Variants in G3BP1 observed in about 807,000 individuals in gnomAD.
The protein encoded by G3BP1 is ras GTPase-activating protein-binding protein 1.
Under a neutral mutation model 58.6 loss-of-function variants are expected in G3BP1, and 35 were observed. The observed-to-expected ratio is 0.60, with a 90% confidence interval of 0.46 to 0.79. G3BP1 has a LOEUF of 0.79. G3BP1 is among the 30% of genes least tolerant of loss of function. The probability of loss-of-function intolerance (pLI) is 0.00; values close to 1 mark genes in which losing one functional copy is unlikely to be tolerated. For synonymous variants in G3BP1, 191 were observed against 195.4 expected, an observed-to-expected ratio of 0.98 and a Z score of 0.19; for missense variants, 523 against 580.8, an observed-to-expected ratio of 0.90 and a Z score of 1.02.
rs996363436 is a variant in G3BP1 at position 151,809,876 on chromosome 5, C to A, written c.*5785C>A. On this transcript the variant is annotated 3_prime_UTR_variant, in exon 12 of 12. Transcript: ENST00000356245. ...AACTGTCTTTAATGGCCCAGCTCTA[C>A]CAGGGCTTGTTGTCTAAGGACATTA... The A allele has an allele frequency of 1.3e-5, 2 of 152,214 alleles. No individual in the cohort carries two copies. The highest frequency in any genetic ancestry group is 2.4e-5 in the African/African-American group (1 of 41,450). The allele number at this position is 152,214 out of a possible 1,614,324, so 9.4% of individuals were successfully genotyped here. A position where few individuals can be genotyped will look rare whatever the true frequency, so the allele number is the denominator to read the frequency against.
chr5:151,809,262 T>G lies in G3BP1; in HGVS notation c.*5171T>G, dbSNP rs1167086490. 2 of 152,312 alleles carry G rather than the reference T, an allele frequency of 1.3e-5. No individual in the cohort carries two copies. Among genetic ancestry groups the G allele is most frequent in the African/African-American group, 2.4e-5 (1 of 41,570 alleles). The allele number at this position is 152,312 out of a possible 1,614,324, so 9.4% of individuals were successfully genotyped here. A position where few individuals can be genotyped will look rare whatever the true frequency, so the allele number is the denominator to read the frequency against. ...TGATGTCAGTTGTTCTCCTAAATTT[T>G]AAAATTTTGTTATGAAGATTGGATG... On this transcript the variant is annotated 3_prime_UTR_variant, in exon 12 of 12. Transcript: ENST00000356245.
intron 7 of G3BP1, 51 bp downstream of exon 7, chr5:151,797,479 A>G (rs1284948419): frequency 6.5e-7 from 1 of 1,543,906 alleles, no homozygotes; most frequent in Admixed American, 2.0e-5. Context: ...TTTTTTTAAA[A>G]AAAGTTTCTG....
intron 11 of G3BP1, 64 bp downstream of exon 11, chr5:151,800,933 T>C (rs931210080): frequency 1.3e-6 from 1 of 788,830 alleles, no homozygotes; most frequent in Admixed American, 2.1e-5. Context: ...TTCTTTAGAA[T>C]ATATCTTTAC....
intron 2 of G3BP1, among the ~76,000 whole-genome samples, chr5:151,789,667 A>C (rs2113232530): frequency 6.6e-6 from 1 of 152,372 alleles, no homozygotes; most frequent in Non-Finnish European, 1.5e-5. Flanking sequence ...TCTATGAAGA[A>C]GATAGCTGTT....
chr5:151,776,767 A>C (rs1292943085), intron 1 of G3BP1, among the ~76,000 whole-genome samples: 1 of 151,818 alleles, frequency 6.6e-6, no homozygotes, highest in Non-Finnish European at 1.5e-5. Flanking sequence ...ATTTTTATAA[A>C]ATATCGTCCA....
chr5:151,779,580 T>C (rs1242102720), intron 1 of G3BP1, among the ~76,000 whole-genome samples: 1 of 151,846 alleles, frequency 6.6e-6, no homozygotes, highest in Non-Finnish European at 1.5e-5. Context: ...TAAAAACACT[T>C]TTAAATATAT....
In G3BP1 at chr5:151,786,552, C is replaced by A; in HGVS notation, c.-49-20C>A. ...TTCAGCTAAATGATTCGGTCTTTTC[C>A]CCTGTGTTTGATCCTTCAGGTTTGG... On this transcript the variant is annotated intron_variant, in intron 1 of 11. Coordinates refer to ENST00000356245, the MANE Select transcript of G3BP1 (RefSeq NM_005754.3). The A allele has an allele frequency of 1.0e-6, 1 of 957,138 alleles. No individual in the cohort carries two copies. 59.3% of individuals were successfully genotyped at this position (957,138 alleles called of 1,614,324 possible).
intron 2 of G3BP1, chr5:151,787,913 G>A: frequency 5.7e-6 from 1 of 176,510 alleles, no homozygotes; most frequent in Non-Finnish European, 1.2e-5. Flanking sequence ...GTGTGTGTGT[G>A]CATGTGTGTG....
At chr5:151,790,792 C>T (rs1203958355) in intron 3 of G3BP1, 97 bp from the exon 4 acceptor site, 1 of 689,516 alleles carries the variant, frequency 1.5e-6, no homozygotes, top group Middle Eastern at 4.1e-4. Context: ...TATACACATT[C>T]TCTTTGTGTT....
At chr5:151,783,869 TCTC>T (rs763460883) in intron 1 of G3BP1, among the ~76,000 whole-genome samples, 1 of 151,994 alleles carries the variant, frequency 6.6e-6, no homozygotes, top group Non-Finnish European at 1.5e-5. Context: ...TTCAAGCAGT[TCTC>T]CTCCCTCAGC....
chr5:151,786,590 C>T lies in G3BP1; in HGVS notation c.-31C>T. ...CCTTCAGGTTTGGACATATTTGACTCTTTTCCCCCCAGGTTGAATTGACCA... is the reference window on the plus strand; with the variant it reads ...CCTTCAGGTTTGGACATATTTGACTTTTTTCCCCCCAGGTTGAATTGACCA... On this transcript the variant is annotated 5_prime_UTR_variant, in exon 2 of 12. Coordinates refer to ENST00000356245, the MANE Select transcript of G3BP1 (RefSeq NM_005754.3). The T allele has an allele frequency of 2.1e-6, 3 of 1,418,084 alleles. No individual in the cohort carries two copies. Among genetic ancestry groups the T allele is most frequent in the Non-Finnish European group, 3.0e-6 (3 of 1,001,536 alleles). The allele number at this position is 1,418,084 out of a possible 1,614,324, so 87.8% of individuals were successfully genotyped here. A position where few individuals can be genotyped will look rare whatever the true frequency, so the allele number is the denominator to read the frequency against.
chr5:151,781,327 A>G (rs538843798), intron 1 of G3BP1, among the ~76,000 whole-genome samples: 2 of 152,356 alleles, frequency 1.3e-5, no homozygotes, highest in East Asian at 3.9e-4. Flanking sequence ...ACTTTAGTAT[A>G]TACTGTACTA....
intron 1 of G3BP1, among the ~76,000 whole-genome samples, chr5:151,775,412 A>G (rs1262020481): frequency 6.6e-6 from 1 of 152,254 alleles, no homozygotes; most frequent in Non-Finnish European, 1.5e-5. Flanking sequence ...TTTACTAAAA[A>G]GTGAATTGGA....
Position 151,790,993 on chromosome 5 carries a change from G to A in G3BP1, c.282G>A (p.Val94=). 1 of 1,613,652 alleles carries A rather than the reference G, an allele frequency of 6.2e-7. No homozygotes were observed. Among genetic ancestry groups the A allele is most frequent in the Non-Finnish European group, 8.5e-7 (1 of 1,179,762 alleles). ...TAAATGATGGTGTGGTAGTCCAGGT[G>A]ATGGGGCTTCTCTCTAACAACAACC... The part of the protein sequence containing the change: ...ATLNDGVVVQ[V]MGLLSNNNQA... The change falls in exon 4 of 12, where the codon GTG becomes GTA. Residue 94 remains valine (V), a synonymous_variant. Coordinates refer to ENST00000356245, the MANE Select transcript of G3BP1 (RefSeq NM_005754.3).
intron 1 of G3BP1, among the ~76,000 whole-genome samples, chr5:151,775,730 C>G (rs1341241703): frequency 6.6e-6 from 1 of 152,206 alleles, no homozygotes; most frequent in Admixed American, 6.5e-5. Flanking sequence ...CATATCTTTT[C>G]ACGTGATGAG....
chr5:151,793,084 T>G (rs1174623023), intron 4 of G3BP1, among the ~76,000 whole-genome samples: 2 of 151,940 alleles, frequency 1.3e-5, no homozygotes, highest in Non-Finnish European at 2.9e-5. Flanking sequence ...TTGGGGAATT[T>G]TAAATATCTG....
At chr5:151,773,039 A>G (rs1020880373) in intron 1 of G3BP1, among the ~76,000 whole-genome samples, 4 of 152,232 alleles carry the variant, frequency 2.6e-5, no homozygotes, top group African/African-American at 9.6e-5. Context: ...AAAAGTAGGG[A>G]AAACGATGAG....
At chr5:151,801,827 T>TG (rs1257189864) in intron 11 of G3BP1, among the ~76,000 whole-genome samples, 1 of 152,018 alleles carries the variant, frequency 6.6e-6, no homozygotes, top group East Asian at 1.9e-4. Context: ...TTATTTTTTT[T>TG]TTTTTGAGAC....
chr5:151,774,937 T>A (rs571439962), intron 1 of G3BP1, among the ~76,000 whole-genome samples: 7 of 152,104 alleles, frequency 4.6e-5, no homozygotes, highest in African/African-American at 1.2e-4. Context: ...TTACTTTTTT[T>A]AAAAAAGTAT....
Sources: gnomAD v4.1 joint callset for allele counts (sites outside exome capture counted in the v4.1 genomes callset) on GRCh38, gnomAD v4.1.1 for gene constraint, MANE v1.5 for transcripts, NCBI Gene and HGNC (gene_info 2026-07-23, HGNC 2026-07-21) for gene names.